TRIM23: variants seen among roughly 807,000 people sequenced by gnomAD.
TRIM23 encodes E3 ubiquitin-protein ligase TRIM23.
Under a neutral mutation model 71.0 loss-of-function variants are expected in TRIM23, and 27 were observed. The ratio of observed to expected loss-of-function variants is 0.38; its 90% confidence interval spans 0.28 to 0.52. The LOEUF (loss-of-function observed/expected upper bound fraction) is 0.52. TRIM23 is among the 20% of genes least tolerant of loss of function. The pLI, the probability that TRIM23 is intolerant of heterozygous loss-of-function variation, is 0.84. For missense variants in TRIM23, 482 were observed against 692.3 expected (o/e 0.70, Z 3.41); for synonymous variants, 234 against 238.0 (o/e 0.98, Z 0.16).
At chr5:65,615,507 C>G (rs913469250) in intron 2 of TRIM23, among the ~76,000 whole-genome samples, 3 of 140,536 alleles carry the variant, frequency 2.1e-5, no homozygotes, top group African/African-American at 5.4e-5. Context: ...GCCTGCAGGG[C>G]CCCCCTTCCT....
At chr5:65,614,563 C>T (rs950286283) in intron 2 of TRIM23, among the ~76,000 whole-genome samples, 17 of 151,866 alleles carry the variant, frequency 1.1e-4, no homozygotes, top group Admixed American at 9.2e-4. Context: ...GGTGAAATCC[C>T]GTCTCTACTA....
At chr5:65,603,261 T>C (rs1754409542) in intron 7 of TRIM23, among the ~76,000 whole-genome samples, 1 of 152,232 alleles carries the variant, frequency 6.6e-6, no homozygotes, top group Admixed American at 6.5e-5. Context: ...TACTGAATTG[T>C]ACATTTTTAA....
intron 9 of TRIM23, 77 bp downstream of exon 9, chr5:65,596,344 C>T (rs1561741218): frequency 1.1e-5 from 11 of 992,592 alleles, no homozygotes; most frequent in Non-Finnish European, 1.7e-5. Flanking sequence ...TAAGTATCAG[C>T]TTTGCTAGTT....
chr5:65,610,869 T>C lies in TRIM23; in HGVS notation c.820A>G (p.Thr274Ala). The change falls in exon 5 of 11, where the codon ACA becomes GCA. Residue 274 changes from threonine to alanine, a missense_variant. Coordinates refer to ENST00000231524, the MANE Select transcript of TRIM23 (RefSeq NM_001656.4). ...IVEDGIGMAHTEHVPGTAENA... is the reference protein window; with the variant it reads ...IVEDGIGMAHAEHVPGTAENA... Reference sequence around the variant, plus strand: ...AGAAAAAAAATCCATACATGTTCTGTGTGAGCCATTCCAATTCCATCTTCC... The same window carrying C: ...AGAAAAAAAATCCATACATGTTCTGCGTGAGCCATTCCAATTCCATCTTCC... The C allele has an allele frequency of 6.2e-7, 1 of 1,606,042 alleles. No homozygotes were observed. The highest frequency in any genetic ancestry group is 8.5e-7 in the Non-Finnish European group (1 of 1,177,484).
chr5:65,614,246 A>G, intron 2 of TRIM23, 27 bp from the exon 3 acceptor site: 1 of 1,590,660 alleles, frequency 6.3e-7, no homozygotes, highest in Non-Finnish European at 8.6e-7. Context: ...AACAAAAACT[A>G]AATCTAACAA....
intron 7 of TRIM23, among the ~76,000 whole-genome samples, chr5:65,600,486 C>T (rs1561743415): frequency 6.6e-6 from 1 of 151,966 alleles, no homozygotes; most frequent in Admixed American, 6.6e-5. Context: ...ATGTATCTTA[C>T]ACCACCTAAA....
intron 7 of TRIM23, among the ~76,000 whole-genome samples, chr5:65,603,490 A>G (rs1052462118): frequency 3.9e-5 from 6 of 152,228 alleles, no homozygotes; most frequent in Non-Finnish European, 1.5e-5. Context: ...GTGTGCATAC[A>G]AATATATAAA....
chr5:65,590,880 C>G lies in TRIM23; in HGVS notation c.*889G>C. 1.0e-6 allele frequency: 1 copy of G among 985,372 alleles called. No individual in the cohort carries two copies. The highest frequency in any genetic ancestry group is 1.2e-6 in the Non-Finnish European group (1 of 829,952). 61.0% of individuals were successfully genotyped at this position (985,372 alleles called of 1,614,324 possible). A position where few individuals can be genotyped will look rare whatever the true frequency, so the allele number is the denominator to read the frequency against. ...TAGGTCACTAGCTTTTAAATAAAGCCAACCCTGGTTCTGCGTTACTTACTA... is the reference window on the plus strand; with the variant it reads ...TAGGTCACTAGCTTTTAAATAAAGCGAACCCTGGTTCTGCGTTACTTACTA... On this transcript the variant is annotated 3_prime_UTR_variant, in exon 11 of 11. Transcript: ENST00000231524.
chr5:65,615,561 C>T (rs184612817), intron 2 of TRIM23, among the ~76,000 whole-genome samples: 1 of 151,192 alleles, frequency 6.6e-6, no homozygotes, highest in South Asian at 2.1e-4. Flanking sequence ...TTGTGGTTCT[C>T]CCAAAAAAAC....
At chr5:65,592,896 C>G (rs1392925659) in intron 10 of TRIM23, among the ~76,000 whole-genome samples, 1 of 152,120 alleles carries the variant, frequency 6.6e-6, no homozygotes, top group Non-Finnish European at 1.5e-5. Flanking sequence ...TTAACCAGTC[C>G]TATACTGAAT....
intron 2 of TRIM23, among the ~76,000 whole-genome samples, 163 bp downstream of exon 2, chr5:65,617,930 G>A (rs1754816636): frequency 6.6e-6 from 1 of 152,160 alleles, no homozygotes. Flanking sequence ...GAGTGAGATA[G>A]TTTATAGCTT....
At chr5:65,599,395 A>C (rs1754301926) in intron 7 of TRIM23, among the ~76,000 whole-genome samples, 1 of 152,228 alleles carries the variant, frequency 6.6e-6, no homozygotes, top group African/African-American at 2.4e-5. Context: ...AAAAAAGTTT[A>C]AGATACTTAG....
intron 7 of TRIM23, among the ~76,000 whole-genome samples, chr5:65,602,847 G>A (rs146235680): frequency 3.9e-5 from 6 of 152,162 alleles, no homozygotes; most frequent in African/African-American, 7.2e-5. Context: ...GGGACAGACC[G>A]GCCCCCATTA....
rs1176684903 is a variant in TRIM23 at position 65,591,169 on chromosome 5, AAC to A, written c.*598_*599del. 9.3e-7 allele frequency: 1 copy of A among 1,078,132 alleles called. No individual in the cohort carries two copies. The highest frequency in any genetic ancestry group is 5.6e-5 in the Admixed American group (1 of 17,774). 66.8% of individuals were successfully genotyped at this position (1,078,132 alleles called of 1,614,324 possible). The stretch of plus-strand genomic sequence containing the variant: ...AAATGCTGTAGGAGAAAGTTAATAA[AAC>A]ACTATATAAAGTATTAATTTTCTGT... On this transcript the variant is annotated 3_prime_UTR_variant, in exon 11 of 11. Coordinates refer to ENST00000231524, the MANE Select transcript of TRIM23 (RefSeq NM_001656.4).
At chr5:65,610,335 A>C (rs930962707) in intron 5 of TRIM23, among the ~76,000 whole-genome samples, 11 of 152,146 alleles carry the variant, frequency 7.2e-5, no homozygotes, top group Admixed American at 2.0e-4. Flanking sequence ...CCTTAAACTA[A>C]GTTCTGAACT....
At chr5:65,621,579 AT>A (rs796768324) in intron 1 of TRIM23, among the ~76,000 whole-genome samples, 73 of 152,286 alleles carry the variant, frequency 4.8e-4, no homozygotes, top group African/African-American at 1.7e-3. Context: ...AATTCCATTG[AT>A]TAGCAAACCA....
chr5:65,593,817 A>G (rs1754110800), intron 10 of TRIM23, among the ~76,000 whole-genome samples: 1 of 152,114 alleles, frequency 6.6e-6, no homozygotes, highest in Non-Finnish European at 1.5e-5. Flanking sequence ...GGCTCTTGTT[A>G]ATGCTCACTT....
At chr5:65,595,942 A>G (rs1462220716) in intron 9 of TRIM23, among the ~76,000 whole-genome samples, 1 of 152,150 alleles carries the variant, frequency 6.6e-6, no homozygotes, top group Non-Finnish European at 1.5e-5. Flanking sequence ...ATATGATATA[A>G]TACGGTTTGG....
At chr5:65,614,293 T>G (rs1032651300) in intron 2 of TRIM23, 74 bp from the exon 3 acceptor site, 1 of 1,406,046 alleles carries the variant, frequency 7.1e-7, no homozygotes, top group South Asian at 1.2e-5. Context: ...ACCTCAAAAG[T>G]AATTTCTAAT....
Sources: gnomAD v4.1 joint callset for allele counts (sites outside exome capture counted in the v4.1 genomes callset) on GRCh38, gnomAD v4.1.1 for gene constraint, MANE v1.5 for transcripts, NCBI Gene and HGNC (gene_info 2026-07-23, HGNC 2026-07-21) for gene names.